Variants in PROX1 observed in about 807,000 individuals in gnomAD.
PROX1 encodes the protein prospero homeobox 1.
In PROX1, 7 loss-of-function variants were observed where a neutral mutation model predicts 58.8. The ratio of observed to expected loss-of-function variants is 0.12; its 90% CI spans 0.07 to 0.22. The LOEUF is 0.22. Ranked by LOEUF, PROX1 falls within the 10% of genes least tolerant of loss-of-function variation. PROX1 has a pLI of 1.00. For synonymous variants in PROX1, 350 were observed against 358.3 expected (o/e 0.98, Z 0.26); for missense variants, 675 against 927.8 (o/e 0.73, Z 3.54).
At chr1:213,992,713 A>G (rs1217896573) in intron 1 of PROX1, among the ~76,000 whole-genome samples, 1 of 152,172 alleles carries the variant, frequency 6.6e-6, no homozygotes, top group African/African-American at 2.4e-5. Context: ...TCCCTGCCTC[A>G]TAAAAGATTT....
rs1664988685 is a variant in PROX1 at position 214,040,906 on chromosome 1, A to G, written c.*5072A>G. 1 of 152,114 alleles carries G rather than the reference A, an allele frequency of 6.6e-6. No individual in the cohort carries two copies. The highest frequency in any genetic ancestry group is 1.5e-5 in the Non-Finnish European group (1 of 68,010). The allele number at this position is 152,114 out of a possible 1,614,324, so 9.4% of individuals were successfully genotyped here. A position where few individuals can be genotyped will look rare whatever the true frequency, so the allele number is the denominator to read the frequency against. ...TTTGTATTACCAAGGATGTACTGTA[A>G]TATTAATTGATATGATAAACACAAT... On this transcript the variant is annotated 3_prime_UTR_variant, in exon 5 of 5. Coordinates refer to ENST00000366958, the MANE Select transcript of PROX1 (RefSeq NM_001270616.2).
At chr1:214,029,226 G>A (rs559066979) in intron 4 of PROX1, 67 of 152,356 alleles carry the variant, frequency 4.4e-4, no homozygotes, top group African/African-American at 1.6e-3. Flanking sequence ...GTACGTGTGT[G>A]TGCACACACG....
chr1:213,997,411 C>T lies in PROX1; in HGVS notation c.876C>T (p.Val292=), dbSNP rs779626865. The T allele has an allele frequency of 1.2e-6, 2 of 1,613,954 alleles. No homozygotes were observed. Among genetic ancestry groups the T allele is most frequent in the South Asian group, 2.2e-5 (2 of 91,056 alleles). Residue 292 remains valine, a synonymous_variant, in exon 2 of 5, where the codon GTC becomes GTT. Transcript: ENST00000366958. This position sits in a 1 kb window ranked among gnomAD's most constrained non-coding sequence, Gnocchi z 7.1. ...EILDARAQDS[V]GRSDNEMCEL... is the part of the protein sequence containing the mutation. ...TGGATGCCAGGGCCCAGGACTCTGTCGGAAGGTCAGATAATGAGATGTGCG... is the reference window on the plus strand; with the variant it reads ...TGGATGCCAGGGCCCAGGACTCTGTTGGAAGGTCAGATAATGAGATGTGCG...
At chr1:214,003,252 C>A (rs1272607576) in intron 2 of PROX1, among the ~76,000 whole-genome samples, 1 of 152,184 alleles carries the variant, frequency 6.6e-6, no homozygotes, top group Non-Finnish European at 1.5e-5. Context: ...TTTGTGACTT[C>A]CAATTAAATG....
chr1:214,032,112 C>A (rs1471282170), intron 4 of PROX1, among the ~76,000 whole-genome samples: 1 of 152,096 alleles, frequency 6.6e-6, no homozygotes, highest in Non-Finnish European at 1.5e-5. Flanking sequence ...ATACCATTTC[C>A]ATTTATTTTG....
chr1:213,987,408 T>G, upstream of PROX1: 2 of 79,168 alleles, frequency 2.5e-5, no homozygotes, highest in Admixed American at 1.3e-4. Flanking sequence ...GATCCCCCCC[T>G]CCCTCCTCCT....
upstream of PROX1, chr1:213,986,191 G>T (rs1662819284): frequency 6.6e-6 from 1 of 152,066 alleles, no homozygotes; most frequent in Non-Finnish European, 1.5e-5. Context: ...ACAGTCAATA[G>T]TTGGAGGTGT....
chr1:214,020,605 TC>T (rs1386279758), intron 4 of PROX1, among the ~76,000 whole-genome samples: 1 of 152,240 alleles, frequency 6.6e-6, no homozygotes, highest in Non-Finnish European at 1.5e-5. Flanking sequence ...GAGCTTAATA[TC>T]TTGGGCTGTG....
intron 4 of PROX1, among the ~76,000 whole-genome samples, chr1:214,024,910 C>G (rs773776404): frequency 1.1e-4 from 17 of 152,282 alleles, no homozygotes; most frequent in Middle Eastern, 3.4e-3. Context: ...AGTTAAACTT[C>G]AAGGGCTGTC....
At chr1:213,999,711 GGTT>G (rs1223148857) in intron 2 of PROX1, among the ~76,000 whole-genome samples, 1 of 152,142 alleles carries the variant, frequency 6.6e-6, no homozygotes, top group African/African-American at 2.4e-5. Context: ...GTTTTAGCTT[GGTT>G]GTTGATTTCA....
intron 4 of PROX1, chr1:214,030,393 A>T (rs564624542): frequency 6.6e-6 from 1 of 152,048 alleles, no homozygotes; most frequent in Admixed American, 6.5e-5. Context: ...TTTGTAATCT[A>T]TTGATAGGCT....
At position 214,011,742 on chromosome 1, in the gene PROX1, C is replaced by A; in HGVS notation, c.2028+27C>A. 3 of 1,521,822 alleles carry A rather than the reference C, an allele frequency of 2.0e-6. No homozygotes were observed. The South Asian group carries it at 3.8e-5, about 19-fold the overall frequency. The allele number at this position is 1,521,822 out of a possible 1,614,324, so 94.3% of individuals were successfully genotyped here. A position where few individuals can be genotyped will look rare whatever the true frequency, so the allele number is the denominator to read the frequency against. ...TAGGAACTAATCTTTATTTTTTGGTCATCTCCCTTTTCCTTTTTTAAAAAA... is the reference window on the plus strand; with the variant it reads ...TAGGAACTAATCTTTATTTTTTGGTAATCTCCCTTTTCCTTTTTTAAAAAA... On this transcript the variant is annotated intron_variant, in intron 4 of 4. Coordinates refer to ENST00000366958, the MANE Select transcript of PROX1 (RefSeq NM_001270616.2).
upstream of PROX1, chr1:213,985,608 G>A (rs1015438686): frequency 6.6e-6 from 1 of 152,270 alleles, no homozygotes; most frequent in Non-Finnish European, 1.5e-5. Flanking sequence ...TGTTCGGCAA[G>A]CGGGTTACCC....
chr1:213,993,264 T>A (rs963347468), intron 1 of PROX1, among the ~76,000 whole-genome samples: 32 of 152,212 alleles, frequency 2.1e-4, no homozygotes, highest in African/African-American at 7.7e-4. Context: ...TTTTTCTGCA[T>A]CCTTGCTGAT....
chr1:213,987,610 G>A (rs1290939063), upstream of PROX1: 3 of 149,004 alleles, frequency 2.0e-5, no homozygotes, highest in South Asian at 2.1e-4. Context: ...TGTGAGCCGG[G>A]CGCCGCTCGC....
At chr1:214,024,741 G>A (rs1021062561) in intron 4 of PROX1, among the ~76,000 whole-genome samples, 4 of 152,142 alleles carry the variant, frequency 2.6e-5, no homozygotes, top group Non-Finnish European at 5.9e-5. Flanking sequence ...ATACATTCTC[G>A]AACGAAACAG....
At position 213,997,242 on chromosome 1, in the gene PROX1, G is replaced by C; in HGVS notation, c.707G>C (p.Arg236Pro). Residue 236 changes from arginine to proline, a missense_variant, in exon 2 of 5, where the codon CGC (arginine) becomes CCC (proline). Arg to Pro is a moderately radical substitution (Grantham distance 103). Coordinates refer to ENST00000366958, the MANE Select transcript of PROX1 (RefSeq NM_001270616.2). This position sits in a 1 kb window ranked among gnomAD's most constrained non-coding sequence, Gnocchi z 7.1. The stretch of plus-strand genomic sequence containing the variant: ...CGAAAAGAACAGAAGCGAGAGGAGC[G>C]CCGACAGCTGAAACAGCAGCTGGAG... ...SARKEQKREE[R>P]RQLKQQLEDM... is the part of the protein sequence containing the mutation. 1 of 1,612,798 alleles carries C rather than the reference G, an allele frequency of 6.2e-7. No individual in the cohort carries two copies. Among genetic ancestry groups the C allele is most frequent in the South Asian group, 1.1e-5 (1 of 90,944 alleles).
rs969726472 is a variant in PROX1 at position 213,996,518 on chromosome 1, C to T, written c.-18C>T. 2 of 1,598,954 alleles carry T rather than the reference C, an allele frequency of 1.3e-6. No homozygotes were observed. Among genetic ancestry groups the T allele is most frequent in the Non-Finnish European group, 8.5e-7 (1 of 1,170,640 alleles). The stretch of plus-strand genomic sequence containing the variant: ...CCAGCTGACGAGCTTTTGAAGATGG[C>T]ACAATAACCGTCCAGTGATGCCTGA... On this transcript the variant is annotated 5_prime_UTR_variant, in exon 2 of 5. Coordinates refer to ENST00000366958, the MANE Select transcript of PROX1 (RefSeq NM_001270616.2).
rs1012035976 is a variant in PROX1, at chr1:214,037,376, A to T, written c.*1542A>T. 5 of 152,264 alleles carry T rather than the reference A, an allele frequency of 3.3e-5. No homozygotes were observed. Among genetic ancestry groups the T allele is most frequent in the African/African-American group, 7.2e-5 (3 of 41,458 alleles). 9.4% of individuals were successfully genotyped at this position (152,264 alleles called of 1,614,324 possible). On this transcript the variant is annotated 3_prime_UTR_variant, in exon 5 of 5. Coordinates refer to ENST00000366958, the MANE Select transcript of PROX1 (RefSeq NM_001270616.2). ...AACAAATCTGGTATTTAGAACATATAGAACATAAATGCCATTTTTTAATTC... is the reference window on the plus strand; with the variant it reads ...AACAAATCTGGTATTTAGAACATATTGAACATAAATGCCATTTTTTAATTC...
Sources: allele counts gnomAD v4.1 joint callset (sites outside exome capture counted in the v4.1 genomes callset), GRCh38; gene constraint gnomAD v4.1.1; non-coding constraint Gnocchi (gnomAD v3.1); transcripts MANE v1.5; gene names NCBI Gene and HGNC (gene_info 2026-07-23, HGNC 2026-07-21).